Variants in LPAR3 observed in about 807,000 individuals in gnomAD.
LPAR3 encodes lysophosphatidic acid receptor 3, also known as LPA receptor 3.
Under a neutral mutation model 17.8 loss-of-function variants are expected in LPAR3, and 7 were observed. The observed-to-expected ratio is 0.39, with a 90% CI of 0.22 to 0.74. LPAR3 has a LOEUF of 0.74. LPAR3 is among the 30% of genes least tolerant of loss of function. The pLI is 0.40. For synonymous variants in LPAR3, 179 were observed against 179.9 expected (o/e 0.99, Z 0.04); for missense variants, 391 against 453.4 (o/e 0.86, Z 1.25).
At chr1:84,872,824 C>T (rs1233593760) in intron 1 of LPAR3, among the ~76,000 whole-genome samples, 1 of 152,158 alleles carries the variant, frequency 6.6e-6, no homozygotes, top group African/African-American at 2.4e-5. Flanking sequence ...TTGACAAACA[C>T]TACTTCAGCC....
chr1:84,866,048 A>G lies in LPAR3; in HGVS notation c.73T>C (p.Trp25Arg), dbSNP rs1660041815. The change falls in exon 2 of 3, where the codon TGG (tryptophan) becomes CGG (arginine). Residue 25 changes from tryptophan to arginine, a missense_variant. By Grantham distance (101) the Trp-to-Arg change is moderately radical. Transcript: ENST00000370611. ...ACAATCACAAGCTTTGTTCCTGTCCAGTCATCGACAGTATCAGTGTTGCTC... is the reference window on the plus strand; with the variant it reads ...ACAATCACAAGCTTTGTTCCTGTCCGGTCATCGACAGTATCAGTGTTGCTC... ...NRSNTDTVDDWTGTKLVIVLC... is the reference protein window; with the variant it reads ...NRSNTDTVDDRTGTKLVIVLC... 9 of 1,614,030 alleles carry G rather than the reference A, an allele frequency of 5.6e-6. No homozygotes were observed. Among genetic ancestry groups the G allele is most frequent in the Non-Finnish European group, 6.8e-6 (8 of 1,179,950 alleles).
intron 1 of LPAR3, among the ~76,000 whole-genome samples, chr1:84,868,916 T>C (rs1201817650): frequency 6.6e-6 from 1 of 152,192 alleles, no homozygotes; most frequent in Non-Finnish European, 1.5e-5. Context: ...CATGGGAAAA[T>C]TTAATAATAC....
intron 2 of LPAR3, among the ~76,000 whole-genome samples, chr1:84,849,033 T>A (rs1473311148): frequency 2.6e-5 from 4 of 152,232 alleles, no homozygotes; most frequent in Non-Finnish European, 1.5e-5. Context: ...TTGGAACATA[T>A]CCTGGGGAGG....
At chr1:84,886,646 G>A (rs1660466041) in intron 1 of LPAR3, among the ~76,000 whole-genome samples, 1 of 152,180 alleles carries the variant, frequency 6.6e-6, no homozygotes, top group South Asian at 2.1e-4. Flanking sequence ...TTGCTTGACT[G>A]TAGTAATTAC....
chr1:84,853,131 A>C (rs958717126), intron 2 of LPAR3, among the ~76,000 whole-genome samples: 1 of 151,920 alleles, frequency 6.6e-6, no homozygotes, highest in East Asian at 1.9e-4. Context: ...AACCAAGAAC[A>C]AAAGTCTGGT....
chr1:84,872,754 A>C (rs894408339), intron 1 of LPAR3, among the ~76,000 whole-genome samples: 1 of 152,198 alleles, frequency 6.6e-6, no homozygotes, highest in Admixed American at 6.5e-5. Flanking sequence ...CCTTCCAAAG[A>C]GCACAATATG....
At chr1:84,830,617 A>G (rs1659264928) in intron 2 of LPAR3, among the ~76,000 whole-genome samples, 1 of 152,186 alleles carries the variant, frequency 6.6e-6, no homozygotes, top group African/African-American at 2.4e-5. Context: ...GGGCAGAAAC[A>G]CTGCCATTTT....
chr1:84,885,176 A>G (rs1381763907), intron 1 of LPAR3, among the ~76,000 whole-genome samples: 1 of 152,180 alleles, frequency 6.6e-6, no homozygotes, highest in Non-Finnish European at 1.5e-5. Flanking sequence ...GCTGCTGCAC[A>G]CGCTACAATG....
At position 84,832,182 on chromosome 1, in the gene LPAR3, G is replaced by A. The variant is rs1378511129; in HGVS notation, c.737-18011C>T. ...CTGCCGATCCACCATGATCCCCCAC[G>A]AAAGGGCAGTCACAGTTACAATCTG... On this transcript the variant is annotated intron_variant, in intron 2 of 2. Transcript: ENST00000370611. Among the ~76,000 whole-genome samples, 8 of 152,056 alleles carry A rather than the reference G, an allele frequency of 5.3e-5. No individual in the cohort carries two copies. In the South Asian group the frequency reaches 1.0e-3, roughly 20 times the overall value.
At chr1:84,854,581 C>A (rs1659782399) in intron 2 of LPAR3, among the ~76,000 whole-genome samples, 1 of 152,310 alleles carries the variant, frequency 6.6e-6, no homozygotes, top group Non-Finnish European at 1.5e-5. Flanking sequence ...TTCCTGACAA[C>A]CATAAACCAC....
chr1:84,855,562 A>C (rs996264547), intron 2 of LPAR3, among the ~76,000 whole-genome samples: 7 of 152,194 alleles, frequency 4.6e-5, no homozygotes, highest in Non-Finnish European at 1.5e-5. Flanking sequence ...GTTTCAGCTT[A>C]AGAGGAAGGT....
intron 1 of LPAR3, among the ~76,000 whole-genome samples, chr1:84,881,570 C>T (rs778980685): frequency 6.6e-5 from 10 of 152,156 alleles, no homozygotes; most frequent in Non-Finnish European, 1.3e-4. Context: ...TCTAACACCT[C>T]AATTTAACAA....
Position 84,865,987 on chromosome 1 carries a change from A to G in LPAR3, c.134T>C (p.Phe45Ser). Residue 45 changes from phenylalanine to serine, a missense_variant, in exon 2 of 3, where the codon TTT (phenylalanine) becomes TCT (serine). By Grantham distance (155) the Phe-to-Ser change is radical. Transcript: ENST00000370611. Reference sequence around the variant, plus strand: ...CGCGATGACCAGAGAATTAGAAAAAAAAATAAACAGGCAGAAAAACGTCCC... The same window carrying G: ...CGCGATGACCAGAGAATTAGAAAAAGAAATAAACAGGCAGAAAAACGTCCC... ...CVGTFFCLFI[F>S]FSNSLVIAAV... 6.2e-7 allele frequency: 1 copy of G among 1,614,202 alleles called. No homozygotes were observed.
At chr1:84,858,687 A>T (rs1659877526) in intron 2 of LPAR3, among the ~76,000 whole-genome samples, 1 of 152,140 alleles carries the variant, frequency 6.6e-6, no homozygotes, top group African/African-American at 2.4e-5. Context: ...ATTGTAGTAC[A>T]TCTCAACAAG....
At chr1:84,817,733 T>C (rs1176694594) in intron 2 of LPAR3, among the ~76,000 whole-genome samples, 4 of 151,896 alleles carry the variant, frequency 2.6e-5, no homozygotes, top group Admixed American at 6.6e-5. Flanking sequence ...AATCAGCCAA[T>C]ATTTTTGTTG....
At chr1:84,850,784 A>T (rs1057424226) in intron 2 of LPAR3, among the ~76,000 whole-genome samples, 1 of 152,242 alleles carries the variant, frequency 6.6e-6, no homozygotes. Flanking sequence ...ACCAGGACAC[A>T]GGAGGCCTGC....
chr1:84,841,621 C>T (rs754295166), intron 2 of LPAR3, among the ~76,000 whole-genome samples: 6 of 152,196 alleles, frequency 3.9e-5, no homozygotes, highest in Non-Finnish European at 8.8e-5. Flanking sequence ...ATCTACAAGT[C>T]AAAGATTCCC....
intron 1 of LPAR3, among the ~76,000 whole-genome samples, chr1:84,891,528 C>T (rs1003964816): frequency 6.6e-6 from 1 of 152,106 alleles, no homozygotes. Context: ...TGTTTCTAAC[C>T]GTATCACTTC....
intron 1 of LPAR3, among the ~76,000 whole-genome samples, chr1:84,875,888 T>C (rs968811074): frequency 2.0e-5 from 3 of 152,212 alleles, no homozygotes; most frequent in Non-Finnish European, 4.4e-5. Context: ...TTGTTCCAAA[T>C]AATCCTGTTG....
Sources: allele counts gnomAD v4.1 joint callset (sites outside exome capture counted in the v4.1 genomes callset), GRCh38; gene constraint gnomAD v4.1.1; transcripts MANE v1.5; gene names NCBI Gene and HGNC (gene_info 2026-07-23, HGNC 2026-07-21).